SDC3: variants seen among roughly 807,000 people sequenced by gnomAD.
SDC3 encodes the protein syndecan-3.
In SDC3, 13 loss-of-function variants were observed where a neutral mutation model predicts 24.4. The observed-to-expected ratio is 0.53, with a 90% confidence interval of 0.35 to 0.85. The LOEUF (loss-of-function observed/expected upper bound fraction) is 0.85, where lower values mean the gene tolerates loss of function less well. Ranked by LOEUF, SDC3 falls within the 40% of genes least tolerant of loss-of-function variation. The probability of loss-of-function intolerance (pLI) is 0.01; values close to 1 mark genes in which losing one functional copy is unlikely to be tolerated. For synonymous variants in SDC3, 295 were observed against 260.9 expected (o/e 1.13, Z -1.26); for missense variants, 571 against 584.5 (o/e 0.98, Z 0.24).
intron 1 of SDC3, among the ~76,000 whole-genome samples, chr1:30,894,746 G>A (rs1356264152): frequency 1.3e-5 from 2 of 151,712 alleles, no homozygotes; most frequent in Non-Finnish European, 2.9e-5. Context: ...TGAATGTGTG[G>A]GCGTACACAG....
At position 30,891,690 on chromosome 1, in the gene SDC3, T is replaced by C. The variant is rs141852419; in HGVS notation, c.139-12950A>G. On this transcript the variant is annotated intron_variant, in intron 1 of 4. Coordinates refer to ENST00000339394, the MANE Select transcript of SDC3 (RefSeq NM_014654.4). ...CAGGAGTTCGAGACCCCGTCTCTAC[T>C]AAAAATACAAAAATTAGCTGGGCAT... Among the ~76,000 whole-genome samples the C allele has an allele frequency of 5.5e-3, 828 of 151,776 alleles. 6 individuals are homozygous for C. The highest frequency in any genetic ancestry group is 0.018 in the African/African-American group (760 of 41,360).
In SDC3 at chr1:30,877,072, G is replaced by T. The variant is rs146793522; in HGVS notation, c.350C>A (p.Thr117Lys). The T allele has an allele frequency of 6.2e-7, 1 of 1,613,958 alleles. No homozygotes were observed. Among genetic ancestry groups the T allele is most frequent in the Non-Finnish European group, 8.5e-7 (1 of 1,179,970 alleles). ...VSTTPAVLPTTNIQPVGTPFE... is the reference protein window; with the variant it reads ...VSTTPAVLPTKNIQPVGTPFE... Reference sequence around the variant, plus strand: ...TGGTGTGCCCACAGGCTGGATGTTCGTGGTGGGCAGCACCGCAGGTGTGGT... The same window carrying T: ...TGGTGTGCCCACAGGCTGGATGTTCTTGGTGGGCAGCACCGCAGGTGTGGT... The change falls in exon 3 of 5, where the codon ACG (threonine) becomes AAG (lysine). Residue 117 changes from threonine (T) to lysine (K), a missense_variant. Around this residue, in one of 2 missense-constraint regions of SDC3, gnomAD observed 497 missense variants for 471.6 expected, o/e 1.05. Transcript: ENST00000339394.
chr1:30,878,848 T>A, intron 1 of SDC3, 108 bp from the exon 2 acceptor site: 1 of 820,080 alleles, frequency 1.2e-6, no homozygotes, highest in South Asian at 1.5e-5. Flanking sequence ...TCCACGTGGG[T>A]GACAGAGATC....
At chr1:30,884,607 A>T (rs144179999) in intron 1 of SDC3, among the ~76,000 whole-genome samples, 19 of 151,174 alleles carry the variant, frequency 1.3e-4, no homozygotes, top group African/African-American at 4.4e-4. Context: ...TCCCCACCCC[A>T]GCCCCAACAG....
chr1:30,878,682 T>A lies in SDC3; in HGVS notation c.197A>T (p.Asp66Val). The A allele has an allele frequency of 1.9e-6, 3 of 1,614,116 alleles. No individual in the cohort carries two copies. The African/African-American group carries it at 4.0e-5, about 22-fold the overall frequency. Residue 66 changes from aspartate (D) to valine (V), a missense_variant, in exon 2 of 5, where the codon GAT (aspartate) becomes GTT (valine). This residue lies in a region of SDC3 where 497 missense variants were observed against 471.6 expected (regional missense o/e 1.05). Transcript: ENST00000339394. Reference sequence around the variant, plus strand: ...TTCATCATCGGGAAAGGAGTCATCATCCCCAGAGCCCTCCAGGTCCACGGG... The same window carrying A: ...TTCATCATCGGGAAAGGAGTCATCAACCCCAGAGCCCTCCAGGTCCACGGG... ...ERPVDLEGSG[D>V]DDSFPDDELD...
At position 30,870,005 on chromosome 1, in the gene SDC3, C is replaced by T. The variant is rs1259115005; in HGVS notation, c.*3206G>A. ...TGCCTCTGTAAATCTGTACAGTTTGCGGGCTTCTATTTACAGGCAAGAGGC... is the reference window on the plus strand; with the variant it reads ...TGCCTCTGTAAATCTGTACAGTTTGTGGGCTTCTATTTACAGGCAAGAGGC... On this transcript the variant is annotated 3_prime_UTR_variant, in exon 5 of 5. Transcript: ENST00000339394. 1.0e-5 allele frequency: 4 copies of T among 397,686 alleles called. No homozygotes were observed. In the East Asian group the frequency reaches 1.4e-4, roughly 14 times the overall value. The allele number at this position is 397,686 out of a possible 1,614,324, so 24.6% of individuals were successfully genotyped here. A position where few individuals can be genotyped will look rare whatever the true frequency, so the allele number is the denominator to read the frequency against.
At chr1:30,896,888 G>A (rs541638698) in intron 1 of SDC3, among the ~76,000 whole-genome samples, 6 of 152,126 alleles carry the variant, frequency 3.9e-5, no homozygotes, top group Admixed American at 6.6e-5. Context: ...GCTTGAACCC[G>A]GGAAGCGGAG....
intron 1 of SDC3, among the ~76,000 whole-genome samples, chr1:30,888,289 A>G (rs952257067): frequency 2.4e-4 from 36 of 152,190 alleles, no homozygotes; most frequent in African/African-American, 8.0e-4. Context: ...GGGACGTGGC[A>G]GTGGGAAGGG....
At chr1:30,887,121 G>A (rs1474518253) in intron 1 of SDC3, among the ~76,000 whole-genome samples, 2 of 152,114 alleles carry the variant, frequency 1.3e-5, no homozygotes, top group Non-Finnish European at 2.9e-5. Flanking sequence ...GCCTGGGAGT[G>A]AGTAGAAATG....
chr1:30,889,693 G>A (rs1299817678), intron 1 of SDC3, among the ~76,000 whole-genome samples: 2 of 152,176 alleles, frequency 1.3e-5, no homozygotes, highest in Non-Finnish European at 2.9e-5. Context: ...CAAAAAGTCA[G>A]ATAATCACAA....
At position 30,876,558 on chromosome 1, in the gene SDC3, CA is replaced by C; in HGVS notation, c.863del (p.Val288GlyfsTer11). On this transcript the variant is annotated frameshift_variant, in exon 3 of 5. Coordinates refer to ENST00000339394, the MANE Select transcript of SDC3 (RefSeq NM_014654.4). LOFTEE classifies it high-confidence loss of function. The stretch of plus-strand genomic sequence containing the variant: ...CCCTTCTCAACACCCTCACCTGAGC[CA>C]CCTCTGTGGGTCCAGGGGCAGTGGT... ...LGTTAPGPTE[V>X]AQTPTPETFL... is the part of the protein sequence containing the mutation. The C allele has an allele frequency of 6.6e-7, 1 of 1,515,514 alleles. No homozygotes were observed. The highest frequency in any genetic ancestry group is 8.8e-7 in the Non-Finnish European group (1 of 1,132,646). 93.9% of individuals were successfully genotyped at this position (1,515,514 alleles called of 1,614,324 possible). A position where few individuals can be genotyped will look rare whatever the true frequency, so the allele number is the denominator to read the frequency against.
chr1:30,891,460 G>C (rs767761213), intron 1 of SDC3, among the ~76,000 whole-genome samples: 12 of 152,224 alleles, frequency 7.9e-5, no homozygotes, highest in Non-Finnish European at 1.3e-4. Flanking sequence ...TCTGGAAGGT[G>C]CTCGGTAGCC....
At chr1:30,894,353 AGT>A (rs3080395) in intron 1 of SDC3, among the ~76,000 whole-genome samples, 9 of 83,430 alleles carry the variant, frequency 1.1e-4, no homozygotes, top group Middle Eastern at 0.02. Flanking sequence ...TGTGTGGATG[AGT>A]GTGTGTGAGT....
chr1:30,906,207 A>T (rs1638516296), intron 1 of SDC3, among the ~76,000 whole-genome samples: 1 of 152,166 alleles, frequency 6.6e-6, no homozygotes, highest in South Asian at 2.1e-4. Context: ...AAGTCAGATG[A>T]GGACAAGAGG....
chr1:30,874,684 C>T lies in SDC3; in HGVS notation c.871-96G>A, dbSNP rs915764298. 5 of 1,115,824 alleles carry T rather than the reference C, an allele frequency of 4.5e-6. No homozygotes were observed. In the African/African-American group the frequency reaches 6.2e-5, roughly 14 times the overall value. The allele number at this position is 1,115,824 out of a possible 1,614,324, so 69.1% of individuals were successfully genotyped here. ...CCCTGGGGGGCTAACACTTAGCACT[C>T]CCTACATGCCAGGCACTGTGCTACA... is the stretch of plus-strand genomic sequence containing the variant. On this transcript the variant is annotated intron_variant, in intron 3 of 4. Coordinates refer to ENST00000339394, the MANE Select transcript of SDC3 (RefSeq NM_014654.4).
chr1:30,870,282 T>G lies in SDC3; in HGVS notation c.*2929A>C, dbSNP rs1639510973. On this transcript the variant is annotated 3_prime_UTR_variant, in exon 5 of 5. Transcript: ENST00000339394. ...CAGTCTTTCAGGCAAGGCCCCCATC[T>G]GGCCTCCTGGCCTCCTGGAGACAGG... 1 of 176,486 alleles carries G rather than the reference T, an allele frequency of 5.7e-6. No individual in the cohort carries two copies. Among genetic ancestry groups the G allele is most frequent in the Non-Finnish European group, 1.2e-5 (1 of 84,744 alleles). The allele number at this position is 176,486 out of a possible 1,614,324, so 10.9% of individuals were successfully genotyped here.
At chr1:30,900,267 C>A (rs1638386673) in intron 1 of SDC3, among the ~76,000 whole-genome samples, 1 of 152,206 alleles carries the variant, frequency 6.6e-6, no homozygotes. Context: ...GCACTTAGAA[C>A]CACACCTAGC....
chr1:30,898,378 C>G (rs571814138), intron 1 of SDC3, among the ~76,000 whole-genome samples: 2 of 152,146 alleles, frequency 1.3e-5, no homozygotes, highest in Non-Finnish European at 2.9e-5. Context: ...CCTCTCATTA[C>G]CCCACAGAAT....
At chr1:30,874,031 C>T (rs900929073) in intron 4 of SDC3, among the ~76,000 whole-genome samples, 11 of 152,092 alleles carry the variant, frequency 7.2e-5, no homozygotes, top group Non-Finnish European at 1.6e-4. Flanking sequence ...GGATCAAAGT[C>T]AGAGTCCACA....
Sources: gnomAD v4.1 joint callset for allele counts (sites outside exome capture counted in the v4.1 genomes callset) on GRCh38, gnomAD v4.1.1 for gene constraint, gnomAD v4.1.1 regional missense constraint, MANE v1.5 for transcripts, NCBI Gene and HGNC (gene_info 2026-07-23, HGNC 2026-07-21) for gene names.